Variants in PTCHD4 observed in about 807,000 individuals in gnomAD.
The protein encoded by PTCHD4 is patched domain containing 4.
A neutral mutation model predicts 58.1 loss-of-function variants in PTCHD4; 33 were observed. That is an observed-to-expected ratio of 0.57 (90% confidence interval 0.43 to 0.76). The LOEUF (loss-of-function observed/expected upper bound fraction) is 0.76, where lower values mean the gene tolerates loss of function less well. PTCHD4 is among the 30% of genes least tolerant of loss of function. PTCHD4 has a pLI of 0.00. For synonymous variants in PTCHD4, 478 were observed against 409.6 expected (o/e 1.17, Z -2.02); for missense variants, 1,058 against 1,027.1 (o/e 1.03, Z -0.41).
At chr6:48,008,608 C>A (rs779503681) in intron 4 of PTCHD4, 26 bp downstream of exon 4, 11 of 1,599,504 alleles carry the variant, frequency 6.9e-6, no homozygotes, top group South Asian at 1.1e-5. Flanking sequence ...GGTAAGAATC[C>A]GATTACCACA....
chr6:47,888,977 G>A (rs1312810614), intron 4 of PTCHD4, among the ~76,000 whole-genome samples: 3 of 54,888 alleles, frequency 5.5e-5, no homozygotes, highest in African/African-American at 2.2e-4. Context: ...TCCCTACAAA[G>A]GACATGAACT....
In PTCHD4 at chr6:48,088,730, G is replaced by A. The variant is rs370767605; in HGVS notation, c.-969-18804C>T. 3.3e-5 allele frequency among the ~76,000 whole-genome samples: 5 copies of A among 152,166 alleles called. No homozygotes were observed. In the East Asian group the frequency reaches 5.8e-4, roughly 18 times the overall value. On this transcript the variant is annotated intron_variant, in intron 1 of 4. Coordinates refer to ENST00000339488, the MANE Select transcript of PTCHD4 (RefSeq NM_001384253.1). Reference sequence around the variant, plus strand: ...TCTTTTCTCCTGTCACATAAGCTTTGCCCAAATCTCTAGTTTAAAGGAATG... The same window carrying A: ...TCTTTTCTCCTGTCACATAAGCTTTACCCAAATCTCTAGTTTAAAGGAATG...
At chr6:47,983,709 C>A (rs186673762) in intron 4 of PTCHD4, among the ~76,000 whole-genome samples, 1 of 152,012 alleles carries the variant, frequency 6.6e-6, no homozygotes, top group African/African-American at 2.4e-5. Flanking sequence ...GCAAAATATG[C>A]GAACAGTTGA....
At position 47,865,905 on chromosome 6, in the gene PTCHD4, T is replaced by C. The variant is rs774776228; in HGVS notation, c.*12398A>G. 3.3e-5 allele frequency among the ~76,000 whole-genome samples: 5 copies of C among 151,930 alleles called. No homozygotes were observed. Among genetic ancestry groups the C allele is most frequent in the Non-Finnish European group, 7.4e-5 (5 of 67,892 alleles). On this transcript the variant is annotated 3_prime_UTR_variant, in exon 5 of 5. Coordinates refer to ENST00000339488, the MANE Select transcript of PTCHD4 (RefSeq NM_001384253.1). ...GTTTGTACAAATTCAACTCCTGTAC[T>C]GGAAATGTACCCTCAAGCTAAATTG...
chr6:47,860,364 G>A lies in PTCHD4; in HGVS notation c.*17939C>T, dbSNP rs1187891056. Among the ~76,000 whole-genome samples the A allele has an allele frequency of 6.6e-6, 1 of 151,958 alleles. No homozygotes were observed. The highest frequency in any genetic ancestry group is 2.1e-4 in the South Asian group (1 of 4,820). ...ATTAAGAAAAGACAAAGAAATATAT[G>A]ACTCTAAAAACAAATTCAGGTATTT... is the stretch of plus-strand genomic sequence containing the variant. On this transcript the variant is annotated 3_prime_UTR_variant, in exon 5 of 5. Coordinates refer to ENST00000339488, the MANE Select transcript of PTCHD4 (RefSeq NM_001384253.1).
intron 4 of PTCHD4, among the ~76,000 whole-genome samples, chr6:48,003,530 A>G (rs1231929919): frequency 6.6e-6 from 1 of 152,144 alleles, no homozygotes; most frequent in Non-Finnish European, 1.5e-5. Flanking sequence ...CCCTGCTCCC[A>G]CGCTATTTCA....
chr6:48,060,263 C>T (rs1237400144), intron 3 of PTCHD4, among the ~76,000 whole-genome samples: 1 of 152,196 alleles, frequency 6.6e-6, no homozygotes, highest in Non-Finnish European at 1.5e-5. Flanking sequence ...TGAACATGCT[C>T]ACTCTCCATG....
intron 1 of PTCHD4, among the ~76,000 whole-genome samples, chr6:48,083,866 G>A (rs1464305687): frequency 3.9e-5 from 6 of 152,228 alleles, no homozygotes; most frequent in Middle Eastern, 3.4e-3. Flanking sequence ...TGTCCCCAGC[G>A]TCTCCAGAAA....
At chr6:47,923,680 G>T (rs997388610) in intron 4 of PTCHD4, among the ~76,000 whole-genome samples, 10 of 152,268 alleles carry the variant, frequency 6.6e-5, no homozygotes, top group Admixed American at 1.3e-4. Flanking sequence ...TCATGTTAAT[G>T]ATAATGGCAA....
intron 4 of PTCHD4, among the ~76,000 whole-genome samples, chr6:48,000,349 A>AT: frequency 6.6e-6 from 1 of 152,250 alleles, no homozygotes; most frequent in South Asian, 2.1e-4. Flanking sequence ...TGTAAACCTC[A>AT]TTTTTTGTTT....
intron 3 of PTCHD4, among the ~76,000 whole-genome samples, chr6:48,020,997 C>T (rs114281940): frequency 0.015 from 2,278 of 152,096 alleles, 45 homozygotes; most frequent in African/African-American, 0.051. Context: ...AATCAGGATT[C>T]CCTTGTGCCC....
chr6:47,914,920 T>C (rs1765197653), intron 4 of PTCHD4, among the ~76,000 whole-genome samples: 1 of 152,024 alleles, frequency 6.6e-6, no homozygotes, highest in Non-Finnish European at 1.5e-5. Flanking sequence ...AGCATGAAAG[T>C]GATATACTAT....
chr6:48,068,742 C>CA lies in PTCHD4; in HGVS notation c.6-102dup. On this transcript the variant is annotated intron_variant, in intron 2 of 4. Coordinates refer to ENST00000339488, the MANE Select transcript of PTCHD4 (RefSeq NM_001384253.1). The surrounding 1 kb of genome is among the most constrained non-coding windows in gnomAD (Gnocchi z 4.2). ...CCCCTCCCCACCGCCGCCGCCTCCC[C>CA]ACCCACTCCGCGCTCACCCCACAAC... is the stretch of plus-strand genomic sequence containing the variant. 8.4e-7 allele frequency: 1 copy of CA among 1,184,044 alleles called. No homozygotes were observed. Among genetic ancestry groups the CA allele is most frequent in the Non-Finnish European group, 1.2e-6 (1 of 861,106 alleles). The allele number at this position is 1,184,044 out of a possible 1,614,324, so 73.3% of individuals were successfully genotyped here.
In PTCHD4 at chr6:47,857,166, T is replaced by C. The variant is rs1266907374; in HGVS notation, c.*21137A>G. On this transcript the variant is annotated 3_prime_UTR_variant, in exon 5 of 5. Transcript: ENST00000339488. ...CTTTACATGTTTTCAGAATAATCAC[T>C]GTTTCTTTCCTTTCAACAGTTTTGT... is the stretch of plus-strand genomic sequence containing the variant. 6.6e-6 allele frequency among the ~76,000 whole-genome samples: 1 copy of C among 152,088 alleles called. No homozygotes were observed. The highest frequency in any genetic ancestry group is 2.4e-5 in the African/African-American group (1 of 41,432).
chr6:48,088,108 G>T (rs1034941162), intron 1 of PTCHD4, among the ~76,000 whole-genome samples: 1 of 152,104 alleles, frequency 6.6e-6, no homozygotes, highest in Non-Finnish European at 1.5e-5. Flanking sequence ...GGGAACTCAG[G>T]ATCATAGATT....
rs1763589026 is a variant in PTCHD4 at position 47,867,168 on chromosome 6, G to A, written c.*11135C>T. Among the ~76,000 whole-genome samples, 1 of 151,726 alleles carries A rather than the reference G, an allele frequency of 6.6e-6. No homozygotes were observed. The highest frequency in any genetic ancestry group is 2.4e-5 in the African/African-American group (1 of 41,370). On this transcript the variant is annotated 3_prime_UTR_variant, in exon 5 of 5. Coordinates refer to ENST00000339488, the MANE Select transcript of PTCHD4 (RefSeq NM_001384253.1). ...ATTAACAGAGATAGTTAATTGGAGTGTATTAGTTTGAGCTGTTTGTTCTGG... is the reference window on the plus strand; with the variant it reads ...ATTAACAGAGATAGTTAATTGGAGTATATTAGTTTGAGCTGTTTGTTCTGG...
chr6:48,018,012 A>G (rs1762925549), intron 3 of PTCHD4, among the ~76,000 whole-genome samples: 1 of 152,190 alleles, frequency 6.6e-6, no homozygotes. Context: ...GAATGTGTGG[A>G]TATATGATAA....
At chr6:48,051,706 GTTC>G (rs1243953185) in intron 3 of PTCHD4, among the ~76,000 whole-genome samples, 4 of 151,882 alleles carry the variant, frequency 2.6e-5, no homozygotes, top group Non-Finnish European at 5.9e-5. Context: ...TAGCAAAATA[GTTC>G]CCTGCTTGCA....
chr6:48,015,458 C>G (rs1762835163), intron 3 of PTCHD4, among the ~76,000 whole-genome samples: 1 of 152,010 alleles, frequency 6.6e-6, no homozygotes, highest in Non-Finnish European at 1.5e-5. Context: ...TCACCCTTCT[C>G]ATGAACTCTG....
Sources: gnomAD v4.1 joint callset for allele counts (sites outside exome capture counted in the v4.1 genomes callset) on GRCh38, gnomAD v4.1.1 for gene constraint, Gnocchi (gnomAD v3.1) non-coding constraint, MANE v1.5 for transcripts, NCBI Gene and HGNC (gene_info 2026-07-23, HGNC 2026-07-21) for gene names.